ASCC2: variants seen among roughly 807,000 people sequenced by gnomAD.
ASCC2 encodes activating signal cointegrator 1 complex subunit 2, also known as ASC-1 complex subunit P100.
Under a neutral mutation model 93.5 loss-of-function variants are expected in ASCC2, and 42 were observed. That is an observed-to-expected ratio of 0.45 (90% CI 0.35 to 0.58). ASCC2 has a LOEUF of 0.58. Ranked by LOEUF, ASCC2 falls within the 20% of genes least tolerant of loss-of-function variation. The pLI is 0.00. For synonymous variants in ASCC2, 364 were observed against 384.2 expected (o/e 0.95, Z 0.62); for missense variants, 859 against 977.6 (o/e 0.88, Z 1.62).
chr22:29,822,612 TC>T, intron 4 of ASCC2, 148 bp from the exon 5 acceptor site: 1 of 735,026 alleles, frequency 1.4e-6, no homozygotes, highest in Non-Finnish European at 2.0e-6. Flanking sequence ...ATGGCCATTC[TC>T]CCCCCGCCCT....
rs1476176648 is a variant in ASCC2, at chr22:29,793,497, T to C, written c.1789-7A>G. 1.2e-6 allele frequency: 2 copies of C among 1,613,998 alleles called. No individual in the cohort carries two copies. Among genetic ancestry groups the C allele is most frequent in the Middle Eastern group, 1.6e-4 (1 of 6,084 alleles). ...CGCCTGGCTGCAGTGGCACCTGCAA[T>C]GGCATAAGCATGGGTCTGGGGGGCT... On this transcript the variant is annotated splice_region_variant and splice_polypyrimidine_tract_variant and intron_variant, in intron 16 of 19. Transcript: ENST00000307790.
intron 5 of ASCC2, among the ~76,000 whole-genome samples, chr22:29,817,923 A>C (rs543585457): frequency 2.2e-4 from 33 of 152,268 alleles, no homozygotes; most frequent in African/African-American, 7.5e-4. Context: ...GCAGTCCACA[A>C]TTGGGCCAAG....
At chr22:29,818,367 G>A (rs1185235983) in intron 5 of ASCC2, among the ~76,000 whole-genome samples, 1 of 150,780 alleles carries the variant, frequency 6.6e-6, no homozygotes, top group East Asian at 1.9e-4. Flanking sequence ...GAGACAGACA[G>A]AAACTGCAGG....
chr22:29,793,338 G>A lies in ASCC2; in HGVS notation c.1919+22C>T, dbSNP rs374043399. 3.7e-5 allele frequency: 59 copies of A among 1,611,682 alleles called. 2 individuals carry two copies. The South Asian group carries it at 4.1e-4, about 11-fold the overall frequency. On this transcript the variant is annotated intron_variant, in intron 17 of 19. Coordinates refer to ENST00000307790, the MANE Select transcript of ASCC2 (RefSeq NM_032204.5). The stretch of plus-strand genomic sequence containing the variant: ...CCTGAGAGCTGCTCTGCCCTGGAAC[G>A]CCACCCCCACTATGGCCTCACCTGC...
At chr22:29,827,112 A>AG (rs900125427) in intron 2 of ASCC2, among the ~76,000 whole-genome samples, 4 of 151,412 alleles carry the variant, frequency 2.6e-5, no homozygotes, top group African/African-American at 9.7e-5. Context: ...AAAAAAAAAA[A>AG]AAAAAAAATT....
At position 29,792,320 on chromosome 22, in the gene ASCC2, C is replaced by A; in HGVS notation, c.2022+113G>T. 3.9e-6 allele frequency: 6 copies of A among 1,527,310 alleles called. No individual in the cohort carries two copies. The South Asian group carries it at 7.6e-5, about 19-fold the overall frequency. 94.6% of individuals were successfully genotyped at this position (1,527,310 alleles called of 1,614,324 possible). ...CTCAAAGGGACTCCTCCTGTCCCTG[C>A]CAGTGATGCTGGGGCTGCCTCAGGG... On this transcript the variant is annotated intron_variant, in intron 18 of 19. Coordinates refer to ENST00000307790, the MANE Select transcript of ASCC2 (RefSeq NM_032204.5).
In ASCC2 at chr22:29,832,296, C is replaced by G. The variant is rs373808774; in HGVS notation, c.30G>C (p.Gln10His). The G allele has an allele frequency of 3.1e-6, 5 of 1,614,100 alleles. No individual in the cohort carries two copies. Among genetic ancestry groups the G allele is most frequent in the Non-Finnish European group, 2.5e-6 (3 of 1,180,012 alleles). MPALPLDQL[Q>H]ITHKDPKTGK... Reference sequence around the variant, plus strand: ...CTGTCTTCGGGTCCTTGTGGGTGATCTGGAGTTGGTCCAGGGGCAGAGCTG... The same window carrying G: ...CTGTCTTCGGGTCCTTGTGGGTGATGTGGAGTTGGTCCAGGGGCAGAGCTG... Residue 10 changes from glutamine (Q) to histidine (H), a missense_variant, in exon 2 of 20, where the codon CAG (glutamine) becomes CAC (histidine). Physicochemically the swap from Gln to His is conservative, Grantham distance 24. Transcript: ENST00000307790.
At chr22:29,824,338 G>T (rs1200399737) in intron 4 of ASCC2, among the ~76,000 whole-genome samples, 1 of 151,818 alleles carries the variant, frequency 6.6e-6, no homozygotes, top group Non-Finnish European at 1.5e-5. Flanking sequence ...AATAGGGTTG[G>T]GTGTAGTGGC....
chr22:29,829,036 T>C (rs1273443529), intron 2 of ASCC2, among the ~76,000 whole-genome samples: 1 of 151,784 alleles, frequency 6.6e-6, no homozygotes, highest in African/African-American at 2.4e-5. Flanking sequence ...CTTAGCCAGG[T>C]GTAGTGGCAC....
At chr22:29,807,927 C>CAA (rs892763289) in intron 9 of ASCC2, among the ~76,000 whole-genome samples, 184 bp downstream of exon 9, 3 of 145,330 alleles carry the variant, frequency 2.1e-5, no homozygotes, top group African/African-American at 7.6e-5. Context: ...ACAACAACAA[C>CAA]AAAAAAAAAA....
rs200768807 is a variant in ASCC2 at position 29,799,532 on chromosome 22, G to A, written c.1688+1459C>T. Reference sequence around the variant, plus strand: ...AACTGAAGAAGCAGCTGGCATTTCCGCCACTGGGGCTCCTACCACAGGAAC... The same window carrying A: ...AACTGAAGAAGCAGCTGGCATTTCCACCACTGGGGCTCCTACCACAGGAAC... On this transcript the variant is annotated intron_variant, in intron 15 of 19. Coordinates refer to ENST00000307790, the MANE Select transcript of ASCC2 (RefSeq NM_032204.5). 7.9e-5 allele frequency among the ~76,000 whole-genome samples: 12 copies of A among 152,274 alleles called. No individual in the cohort carries two copies. The East Asian group carries it at 1.2e-3, about 15-fold the overall frequency.
At chr22:29,811,448 T>G (rs1008048951) in intron 8 of ASCC2, among the ~76,000 whole-genome samples, 2 of 152,212 alleles carry the variant, frequency 1.3e-5, no homozygotes, top group African/African-American at 4.8e-5. Context: ...GTATATCTAC[T>G]CAGCTATACT....
At chr22:29,834,617 G>T (rs2063549568) in intron 1 of ASCC2, 4 of 468,684 alleles carry the variant, frequency 8.5e-6, no homozygotes, top group South Asian at 6.2e-5. Flanking sequence ...TTTCAGCTTT[G>T]CAAAGCATAG....
At chr22:29,836,896 C>T (rs1975370138) in intron 1 of ASCC2, among the ~76,000 whole-genome samples, 1 of 152,176 alleles carries the variant, frequency 6.6e-6, no homozygotes, top group South Asian at 2.1e-4. Flanking sequence ...CACTGATGCC[C>T]AGAGAATATT....
intron 5 of ASCC2, 142 bp from the exon 6 acceptor site, chr22:29,816,215 G>C (rs1212172564): frequency 2.1e-5 from 15 of 716,572 alleles, no homozygotes; most frequent in Non-Finnish European, 3.3e-5. Flanking sequence ...CCTAGGACGA[G>C]TCCTGGCCCC....
chr22:29,821,238 C>T (rs962890697), intron 5 of ASCC2, among the ~76,000 whole-genome samples: 1 of 152,188 alleles, frequency 6.6e-6, no homozygotes, highest in African/African-American at 2.4e-5. Flanking sequence ...CTCCCCTCTG[C>T]CTGCTAATGG....
rs2059520439 is a variant in ASCC2 at position 29,805,047 on chromosome 22, G to A, written c.1161-217C>T. 5.9e-5 allele frequency among the ~76,000 whole-genome samples: 9 copies of A among 152,182 alleles called. No homozygotes were observed. In the South Asian group the frequency reaches 1.7e-3, roughly 28 times the overall value. Reference sequence around the variant, plus strand: ...CCTAGTGCCTTTCACTCAGCAGAAAGCAGCTCTGAGTAAAGACAGGGCCAG... The same window carrying A: ...CCTAGTGCCTTTCACTCAGCAGAAAACAGCTCTGAGTAAAGACAGGGCCAG... On this transcript the variant is annotated intron_variant, in intron 12 of 19. Transcript: ENST00000307790.
At chr22:29,818,357 GAGAC>G (rs758977074) in intron 5 of ASCC2, among the ~76,000 whole-genome samples, 62 of 151,644 alleles carry the variant, frequency 4.1e-4, no homozygotes, top group Non-Finnish European at 7.5e-4. Flanking sequence ...GTGTGTGAGA[GAGAC>G]AGACAGAAAC....
chr22:29,820,499 A>G (rs1295119838), intron 5 of ASCC2, among the ~76,000 whole-genome samples: 1 of 152,114 alleles, frequency 6.6e-6, no homozygotes, highest in African/African-American at 2.4e-5. Flanking sequence ...GTATGGTTTA[A>G]GAAAAATACA....
Sources: allele counts gnomAD v4.1 joint callset (sites outside exome capture counted in the v4.1 genomes callset), GRCh38; gene constraint gnomAD v4.1.1; transcripts MANE v1.5; gene names NCBI Gene and HGNC (gene_info 2026-07-23, HGNC 2026-07-21).